Variants in MINAR1 observed in about 807,000 individuals in gnomAD.
MINAR1 encodes major intrinsically disordered Notch2-binding receptor 1.
Under a neutral mutation model 65.1 loss-of-function variants are expected in MINAR1, and 40 were observed. That is an observed-to-expected ratio of 0.61 (90% confidence interval 0.48 to 0.80). MINAR1 has a LOEUF of 0.80. Among genes scored for constraint, MINAR1 ranks in the 30% least tolerant of loss-of-function variants. The probability of loss-of-function intolerance (pLI) is 0.00; values close to 1 mark genes in which losing one functional copy is unlikely to be tolerated. For missense variants in MINAR1, 1,128 were observed against 1,148.0 expected (o/e 0.98, Z 0.25); for synonymous variants, 482 against 449.1 (o/e 1.07, Z -0.93).
intron 1 of MINAR1, among the ~76,000 whole-genome samples, chr15:79,437,456 T>C (rs1034355270): frequency 7.2e-5 from 10 of 138,930 alleles, no homozygotes; most frequent in African/African-American, 2.2e-4. Context: ...TATAAGTGGT[T>C]GCTGAGTGGG....
upstream of MINAR1, among the ~76,000 whole-genome samples, chr15:79,431,822 C>T (rs1329444195): frequency 6.6e-6 from 1 of 152,228 alleles, no homozygotes; most frequent in Non-Finnish European, 1.5e-5. Context: ...GCTCGCTTTC[C>T]CCTCGGCGCT....
chr15:79,461,190 G>A (rs1567060636), intron 2 of MINAR1, among the ~76,000 whole-genome samples: 1 of 152,204 alleles, frequency 6.6e-6, no homozygotes. Flanking sequence ...GAACAGGCAT[G>A]GGCAGCAATG....
At chr15:79,430,536 GC>G (rs1454419248), upstream of MINAR1, among the ~76,000 whole-genome samples, 1 of 152,142 alleles carries the variant, frequency 6.6e-6, no homozygotes, top group East Asian at 1.9e-4. Context: ...TACCAAACAG[GC>G]TTCTTACCCT....
In MINAR1 at chr15:79,470,653, T is replaced by C. The variant is rs1205930355; in HGVS notation, c.*2269T>C. 1 of 152,238 alleles carries C rather than the reference T, an allele frequency of 6.6e-6. No individual in the cohort carries two copies. The highest frequency in any genetic ancestry group is 1.9e-4 in the East Asian group (1 of 5,204). 9.4% of individuals were successfully genotyped at this position (152,238 alleles called of 1,614,324 possible). A position where few individuals can be genotyped will look rare whatever the true frequency, so the allele number is the denominator to read the frequency against. On this transcript the variant is annotated 3_prime_UTR_variant, in exon 4 of 4. Coordinates refer to ENST00000305428, the MANE Select transcript of MINAR1 (RefSeq NM_015206.3). ...CAGGCTTGGAAATGAAAGGATTCTA[T>C]AGAATATTCTATACTTTCCATAGCT...
intron 3 of MINAR1, among the ~76,000 whole-genome samples, chr15:79,467,003 C>T (rs1442689833): frequency 6.6e-6 from 1 of 152,174 alleles, no homozygotes; most frequent in Non-Finnish European, 1.5e-5. Flanking sequence ...GCTGAACCCC[C>T]ATGGGAGCTT....
At chr15:79,449,168 T>C (rs1895110407) in intron 1 of MINAR1, among the ~76,000 whole-genome samples, 1 of 152,192 alleles carries the variant, frequency 6.6e-6, no homozygotes, top group African/African-American at 2.4e-5. Flanking sequence ...CTTCGCTGTA[T>C]ACGGGTAGGA....
In MINAR1 at chr15:79,470,955, CT is replaced by C. The variant is rs1567066136; in HGVS notation, c.*2575del. 1.3e-5 allele frequency: 2 copies of C among 152,198 alleles called. No individual in the cohort carries two copies. Among genetic ancestry groups the C allele is most frequent in the South Asian group, 2.1e-4 (1 of 4,820 alleles). 9.4% of individuals were successfully genotyped at this position (152,198 alleles called of 1,614,324 possible). On this transcript the variant is annotated 3_prime_UTR_variant, in exon 4 of 4. Coordinates refer to ENST00000305428, the MANE Select transcript of MINAR1 (RefSeq NM_015206.3). Reference sequence around the variant, plus strand: ...TAGAAGGTGAGGTTCACAGTTGGAGCTTTTCTTGCCATTGACCCCAAGCTCA... The same window carrying C: ...TAGAAGGTGAGGTTCACAGTTGGAGCTTTCTTGCCATTGACCCCAAGCTCA...
intron 1 of MINAR1, among the ~76,000 whole-genome samples, chr15:79,447,150 A>C (rs1895047056): frequency 6.6e-6 from 1 of 152,108 alleles, no homozygotes; most frequent in African/African-American, 2.4e-5. Flanking sequence ...AGCCTCCCAA[A>C]GCTCTGGGAT....
At chr15:79,454,355 C>T (rs1342298244) in intron 1 of MINAR1, among the ~76,000 whole-genome samples, 4 of 152,144 alleles carry the variant, frequency 2.6e-5, no homozygotes, top group Non-Finnish European at 4.4e-5. Flanking sequence ...CTCATTACCT[C>T]GAGCTGCTAA....
chr15:79,439,287 AGTGGGTGGGC>A (rs1261858428), intron 1 of MINAR1, among the ~76,000 whole-genome samples: 1 of 15,282 alleles, frequency 6.5e-5, no homozygotes, highest in Non-Finnish European at 1.2e-4. Context: ...GTGGATAGTG[AGTGGGTGGGC>A]GTGGGTGGGG....
chr15:79,445,174 TTA>T (rs1894979018), intron 1 of MINAR1, among the ~76,000 whole-genome samples: 1 of 151,992 alleles, frequency 6.6e-6, no homozygotes, highest in Admixed American at 6.5e-5. Flanking sequence ...TCTTTATTAT[TTA>T]TGTTAATATA....
At chr15:79,418,837 C>G in the MINAR1 span, 1 of 152,168 alleles carries the variant, frequency 6.6e-6, no homozygotes, top group Non-Finnish European at 1.5e-5. Flanking sequence ...TGGACAGCTG[C>G]CCTAGGAGCC....
chr15:79,460,118 T>C lies in MINAR1; in HGVS notation c.2298+1673T>C, dbSNP rs74456881. ...GCTTCAGTCAGATCCGCTCGATAGG[T>C]CTAACACAAAGTTGCTAACACTGGG... is the stretch of plus-strand genomic sequence containing the variant. On this transcript the variant is annotated intron_variant, in intron 2 of 3. Transcript: ENST00000305428. Among the ~76,000 whole-genome samples, 1,259 of 152,232 alleles carry C rather than the reference T, an allele frequency of 8.3e-3. 26 individuals are homozygous for C. Among genetic ancestry groups the C allele is most frequent in the African/African-American group, 0.029 (1,196 of 41,538 alleles).
chr15:79,454,746 A>C (rs966958837), intron 1 of MINAR1, among the ~76,000 whole-genome samples: 1 of 151,300 alleles, frequency 6.6e-6, no homozygotes, highest in African/African-American at 2.4e-5. Flanking sequence ...ATAAAAAAAA[A>C]CCTATAAAAA....
upstream of MINAR1, among the ~76,000 whole-genome samples, chr15:79,429,221 C>T (rs562971727): frequency 2.0e-5 from 3 of 152,284 alleles, no homozygotes; most frequent in East Asian, 5.8e-4. Flanking sequence ...ATCACATGGA[C>T]CTCATCAATT....
the MINAR1 span, chr15:79,413,611 G>C: frequency 6.6e-6 from 1 of 152,356 alleles, no homozygotes; most frequent in African/African-American, 2.4e-5. Flanking sequence ...GTGTTCATTT[G>C]AACATAGATC....
chr15:79,413,485 A>C, the MINAR1 span: 3 of 152,264 alleles, frequency 2.0e-5, no homozygotes, highest in Non-Finnish European at 4.4e-5. Context: ...CTTCAGTGAA[A>C]TTCTTGACTG....
chr15:79,435,747 A>G (rs1894582640), intron 1 of MINAR1, among the ~76,000 whole-genome samples: 1 of 152,208 alleles, frequency 6.6e-6, no homozygotes, highest in Admixed American at 6.5e-5. Context: ...ACTTTGATTT[A>G]TTTGTTGCTA....
chr15:79,440,881 G>T (rs547206055), intron 1 of MINAR1, among the ~76,000 whole-genome samples: 3 of 151,870 alleles, frequency 2.0e-5, no homozygotes, highest in Admixed American at 6.6e-5. Flanking sequence ...CTTATTATCT[G>T]TCTCCCCCAC....
Sources: allele counts gnomAD v4.1 joint callset (sites outside exome capture counted in the v4.1 genomes callset), GRCh38; gene constraint gnomAD v4.1.1; transcripts MANE v1.5; gene names NCBI Gene and HGNC (gene_info 2026-07-23, HGNC 2026-07-21).